The following ITGA8 variants were observed in gnomAD, a reference collection of about 807,000 sequenced individuals.
ITGA8 encodes the protein integrin subunit alpha 8.
A neutral mutation model predicts 142.3 loss-of-function variants in ITGA8; 91 were observed. The ratio of observed to expected loss-of-function variants is 0.64; its 90% CI spans 0.54 to 0.76. The LOEUF (loss-of-function observed/expected upper bound fraction) is 0.76, where lower values mean the gene tolerates loss of function less well. ITGA8 is among the 30% of genes least tolerant of loss of function. The pLI, the probability that ITGA8 is intolerant of heterozygous loss-of-function variation, is 0.00. For missense variants in ITGA8, 1,406 were observed against 1,327.7 expected, an observed-to-expected ratio of 1.06 and a Z score of -0.92; for synonymous variants, 505 against 485.2, an observed-to-expected ratio of 1.04 and a Z score of -0.54.
At chr10:15,632,679 T>C (rs1359771307) in intron 13 of ITGA8, among the ~76,000 whole-genome samples, 1 of 152,084 alleles carries the variant, frequency 6.6e-6, no homozygotes, top group Non-Finnish European at 1.5e-5. Context: ...AAATCAATCA[T>C]GGTGAGGATA....
At position 15,528,538 on chromosome 10, in the gene ITGA8, C is replaced by G. The variant is rs898138611; in HGVS notation, c.2982+2512G>C. Reference sequence around the variant, plus strand: ...TTTTTTTTTTTTGGCAATTCAATAACAGGGGTGGCAGGGCTGGGGAAAGCA... The same window carrying G: ...TTTTTTTTTTTTGGCAATTCAATAAGAGGGGTGGCAGGGCTGGGGAAAGCA... On this transcript the variant is annotated intron_variant, in intron 28 of 29. Coordinates refer to ENST00000378076, the MANE Select transcript of ITGA8 (RefSeq NM_003638.3). 3.4e-5 allele frequency among the ~76,000 whole-genome samples: 3 copies of G among 87,856 alleles called. No homozygotes were observed. In the East Asian group the frequency reaches 1.0e-3, roughly 30 times the overall value. 57.6% of individuals were successfully genotyped at this position (87,856 alleles called of 152,430 possible). A position where few individuals can be genotyped will look rare whatever the true frequency, so the allele number is the denominator to read the frequency against.
chr10:15,605,909 ACT>A, intron 18 of ITGA8, 118 bp from the exon 19 acceptor site: 1 of 841,130 alleles, frequency 1.2e-6, no homozygotes, highest in African/African-American at 1.7e-5. Flanking sequence ...ACTATGCATG[ACT>A]CTACCCAAGC....
chr10:15,692,739 A>G (rs966976817), intron 2 of ITGA8, among the ~76,000 whole-genome samples: 5 of 152,214 alleles, frequency 3.3e-5, no homozygotes, highest in African/African-American at 7.2e-5. Context: ...GTAGAAACTC[A>G]ACCCAATTAT....
Position 15,595,485 on chromosome 10 carries a change from A to C in ITGA8, c.2211+1722T>G, listed in dbSNP as rs988454. Among the ~76,000 whole-genome samples the C allele has an allele frequency of 7.8e-3, 1,192 of 152,336 alleles. 16 individuals carry two copies. The highest frequency in any genetic ancestry group is 0.026 in the African/African-American group (1,090 of 41,570). On this transcript the variant is annotated intron_variant, in intron 21 of 29. Coordinates refer to ENST00000378076, the MANE Select transcript of ITGA8 (RefSeq NM_003638.3). ...TAGACCTCAGAGATAAATGAATATA[A>C]ACAATTTACTTCCCTGACTTCTAAA...
Position 15,535,770 on chromosome 10 carries a change from C to G in ITGA8, c.2881-4619G>C, listed in dbSNP as rs984659661. On this transcript the variant is annotated intron_variant, in intron 27 of 29. Transcript: ENST00000378076. ...GAGAATAAAAGCAGGCTGCCTGGGACAGCAGTGGCAACCTGCTGGGGTCCC... is the reference window on the plus strand; with the variant it reads ...GAGAATAAAAGCAGGCTGCCTGGGAGAGCAGTGGCAACCTGCTGGGGTCCC... Among the ~76,000 whole-genome samples the G allele has an allele frequency of 3.3e-5, 5 of 152,258 alleles. 1 individual carries two copies. The highest frequency in any genetic ancestry group is 6.5e-5 in the Admixed American group (1 of 15,292).
intron 14 of ITGA8, among the ~76,000 whole-genome samples, chr10:15,614,611 T>C (rs758053493): frequency 2.0e-5 from 3 of 152,052 alleles, no homozygotes; most frequent in Admixed American, 6.6e-5. Flanking sequence ...ATAGAGCAGA[T>C]TTTAAAGCTT....
intron 15 of ITGA8, among the ~76,000 whole-genome samples, chr10:15,611,126 C>A (rs1833286240): frequency 6.6e-6 from 1 of 152,064 alleles, no homozygotes; most frequent in Non-Finnish European, 1.5e-5. Context: ...CAAATACAGA[C>A]ACAAATAACA....
At chr10:15,558,247 A>T in intron 25 of ITGA8, 45 bp from the exon 26 acceptor site, 1 of 1,606,044 alleles carries the variant, frequency 6.2e-7, no homozygotes, top group African/African-American at 1.3e-5. Flanking sequence ...ACACATGAAC[A>T]GTTGCTACAT....
At chr10:15,632,089 A>G (rs948332606) in intron 13 of ITGA8, among the ~76,000 whole-genome samples, 2 of 152,022 alleles carry the variant, frequency 1.3e-5, no homozygotes, top group Non-Finnish European at 2.9e-5. Context: ...TCTGAAGGCT[A>G]TATTATTTGT....
intron 25 of ITGA8, among the ~76,000 whole-genome samples, chr10:15,568,463 G>C (rs1233378838): frequency 6.6e-6 from 1 of 152,228 alleles, no homozygotes; most frequent in African/African-American, 2.4e-5. Flanking sequence ...AGGGTAGCTT[G>C]CTGAGATAAC....
intron 11 of ITGA8, among the ~76,000 whole-genome samples, chr10:15,647,548 C>T (rs1219790077): frequency 6.7e-6 from 1 of 149,612 alleles, no homozygotes. Context: ...CTGCAAGCTC[C>T]GCTTCCCGGG....
At chr10:15,670,311 G>T (rs1188030715) in intron 8 of ITGA8, among the ~76,000 whole-genome samples, 1 of 152,162 alleles carries the variant, frequency 6.6e-6, no homozygotes. Context: ...TATTCCTCAT[G>T]CATTAGCTCA....
intron 28 of ITGA8, among the ~76,000 whole-genome samples, chr10:15,521,967 G>C (rs1833081217): frequency 1.3e-5 from 2 of 152,226 alleles, no homozygotes; most frequent in South Asian, 4.1e-4. Context: ...GGGAGGGCTG[G>C]ATGAACAGAA....
Position 15,516,885 on chromosome 10 carries a change from C to T in ITGA8, c.*273G>A, listed in dbSNP as rs961785482. 3.5e-6 allele frequency: 1 copy of T among 282,288 alleles called. No individual in the cohort carries two copies. Among genetic ancestry groups the T allele is most frequent in the African/African-American group, 2.3e-5 (1 of 44,246 alleles). The allele number at this position is 282,288 out of a possible 1,614,324, so 17.5% of individuals were successfully genotyped here. The stretch of plus-strand genomic sequence containing the variant: ...CGTTCCCATACGCATTTCAAAGTGT[C>T]TGCCAAGTACAGAACGATTAAAGCA... On this transcript the variant is annotated 3_prime_UTR_variant, in exon 30 of 30. Coordinates refer to ENST00000378076, the MANE Select transcript of ITGA8 (RefSeq NM_003638.3).
At chr10:15,575,838 G>C (rs186754739) in intron 23 of ITGA8, among the ~76,000 whole-genome samples, 85 of 152,254 alleles carry the variant, frequency 5.6e-4, no homozygotes, top group African/African-American at 1.9e-3. Flanking sequence ...ATCTCATCTC[G>C]TGGGCACTAA....
rs1588643162 is a variant in ITGA8 at position 15,557,965 on chromosome 10, A to G, written c.2766+109T>C. 3.0e-6 allele frequency: 4 copies of G among 1,319,530 alleles called. No homozygotes were observed. In the East Asian group the frequency reaches 9.3e-5, roughly 31 times the overall value. 81.7% of individuals were successfully genotyped at this position (1,319,530 alleles called of 1,614,324 possible). ...CACTGCCAAACGTTAGGAATATCTG[A>G]GCACTGAAGGAGACCAAGAACAATC... On this transcript the variant is annotated intron_variant, in intron 26 of 29. Coordinates refer to ENST00000378076, the MANE Select transcript of ITGA8 (RefSeq NM_003638.3).
intron 9 of ITGA8, among the ~76,000 whole-genome samples, chr10:15,660,192 C>A (rs964487415): frequency 1.3e-5 from 2 of 152,194 alleles, no homozygotes; most frequent in African/African-American, 4.8e-5. Flanking sequence ...CAGGTAGGAC[C>A]AGCCTTGTGG....
intron 13 of ITGA8, among the ~76,000 whole-genome samples, chr10:15,638,907 G>A (rs1002813118): frequency 2.6e-5 from 4 of 151,960 alleles, no homozygotes; most frequent in Non-Finnish European, 5.9e-5. Flanking sequence ...CGGGAGGATC[G>A]CTTGAGGCCA....
At chr10:15,674,234 A>G (rs1834584448) in intron 6 of ITGA8, among the ~76,000 whole-genome samples, 1 of 152,218 alleles carries the variant, frequency 6.6e-6, no homozygotes, top group Non-Finnish European at 1.5e-5. Context: ...TCTGGGTTAC[A>G]GCTAAATACC....
Sources: allele counts gnomAD v4.1 joint callset (sites outside exome capture counted in the v4.1 genomes callset), GRCh38; gene constraint gnomAD v4.1.1; transcripts MANE v1.5; gene names NCBI Gene and HGNC (gene_info 2026-07-23, HGNC 2026-07-21).